The following ROBO2 variants were observed in gnomAD, a reference collection of about 807,000 sequenced individuals.
ROBO2 encodes roundabout guidance receptor 2.
ROBO2 carries 53 observed loss-of-function variants against 160.8 expected under a neutral mutation model. The observed-to-expected ratio is 0.33, with a 90% CI of 0.26 to 0.41. The LOEUF is 0.41. Among genes scored for constraint, ROBO2 ranks in the 10% least tolerant of loss-of-function variants. The pLI is 1.00. For missense variants in ROBO2, 1,577 were observed against 1,722.4 expected (o/e 0.92, Z 1.49); for synonymous variants, 664 against 611.7 (o/e 1.09, Z -1.26).
intron 2 of ROBO2, among the ~76,000 whole-genome samples, chr3:76,319,420 T>A (rs575614383): frequency 1.5e-3 from 233 of 151,928 alleles, no homozygotes; most frequent in Middle Eastern, 0.014. Context: ...CATAAACTTA[T>A]AATTTATAAT....
chr3:76,955,428 G>T (rs1171233812), intron 2 of ROBO2, among the ~76,000 whole-genome samples: 1 of 152,094 alleles, frequency 6.6e-6, no homozygotes, highest in Non-Finnish European at 1.5e-5. Context: ...TTTCTGAGGG[G>T]AACCACTAAA....
intron 1 of ROBO2, among the ~76,000 whole-genome samples, chr3:77,048,098 T>G (rs990450322): frequency 6.6e-6 from 1 of 152,216 alleles, no homozygotes; most frequent in Non-Finnish European, 1.5e-5. Flanking sequence ...TAAATGCCAC[T>G]CAAGCATAAC....
At chr3:77,486,478 T>C (rs1223722988) in intron 4 of ROBO2, among the ~76,000 whole-genome samples, 1 of 152,224 alleles carries the variant, frequency 6.6e-6, no homozygotes, top group Admixed American at 6.5e-5. Flanking sequence ...TGAGATGGTA[T>C]CTCACTGTGG....
At chr3:76,121,783 C>T (rs1303473607) in intron 2 of ROBO2, among the ~76,000 whole-genome samples, 1 of 152,046 alleles carries the variant, frequency 6.6e-6, no homozygotes, top group Non-Finnish European at 1.5e-5. Flanking sequence ...ACATTCATGC[C>T]ATGAATACCA....
chr3:77,527,025 T>C (rs2091229969), intron 6 of ROBO2, among the ~76,000 whole-genome samples: 1 of 151,468 alleles, frequency 6.6e-6, no homozygotes, highest in Non-Finnish European at 1.5e-5. Context: ...AGGCCTTCTT[T>C]TATTGACATG....
At chr3:76,173,733 T>G (rs973049902) in intron 2 of ROBO2, among the ~76,000 whole-genome samples, 2 of 152,202 alleles carry the variant, frequency 1.3e-5, no homozygotes, top group Non-Finnish European at 2.9e-5. Flanking sequence ...ATGGTATATA[T>G]GTACCACATT....
chr3:76,283,184 C>A (rs1412284516), intron 2 of ROBO2, among the ~76,000 whole-genome samples: 29 of 59,300 alleles, frequency 4.9e-4, no homozygotes, highest in African/African-American at 1.3e-3. Flanking sequence ...CCCTGCCATG[C>A]AGCATTGCAC....
intron 2 of ROBO2, among the ~76,000 whole-genome samples, chr3:76,371,581 AACTT>A (rs1286092058): frequency 1.3e-5 from 2 of 151,942 alleles, no homozygotes; most frequent in Admixed American, 6.6e-5. Context: ...CAAAACAAGA[AACTT>A]AAAGATTAGC....
At chr3:76,905,425 A>T (rs1217538585) in intron 2 of ROBO2, among the ~76,000 whole-genome samples, 3 of 152,188 alleles carry the variant, frequency 2.0e-5, no homozygotes, top group Non-Finnish European at 2.9e-5. Flanking sequence ...TTGAAAAAAT[A>T]TATATTTTTA....
At chr3:76,141,060 C>CACATATAT in intron 2 of ROBO2, among the ~76,000 whole-genome samples, 1 of 53,588 alleles carries the variant, frequency 1.9e-5, no homozygotes, top group African/African-American at 7.0e-5. Context: ...TTTTTACATA[C>CACATATAT]ATATATATAT....
chr3:75,922,958 CA>C (rs1292452238), intron 1 of ROBO2, among the ~76,000 whole-genome samples: 1 of 152,166 alleles, frequency 6.6e-6, no homozygotes, highest in African/African-American at 2.4e-5. Context: ...TTTGCATTCT[CA>C]AAACTATACT....
At chr3:76,986,476 G>T (rs867952933) in intron 2 of ROBO2, among the ~76,000 whole-genome samples, 1 of 151,968 alleles carries the variant, frequency 6.6e-6, no homozygotes, top group African/African-American at 2.4e-5. Context: ...ATTACTCATT[G>T]CCAGAATGCC....
chr3:76,151,455 C>T (rs931984691), intron 2 of ROBO2, among the ~76,000 whole-genome samples: 2 of 152,144 alleles, frequency 1.3e-5, no homozygotes, highest in South Asian at 2.1e-4. Context: ...TTTAAGAATG[C>T]TCTTTTTATA....
chr3:76,085,144 C>T (rs1050383225), intron 2 of ROBO2, among the ~76,000 whole-genome samples: 4 of 150,404 alleles, frequency 2.7e-5, no homozygotes, highest in African/African-American at 4.9e-5. Context: ...CACACACATA[C>T]GTATATACAT....
intron 2 of ROBO2, among the ~76,000 whole-genome samples, chr3:76,490,116 C>T (rs2079733784): frequency 6.6e-6 from 1 of 152,092 alleles, no homozygotes; most frequent in Admixed American, 6.6e-5. Flanking sequence ...GGCTTTTGTT[C>T]CTTAAAATGT....
intron 2 of ROBO2, among the ~76,000 whole-genome samples, chr3:76,953,877 T>G (rs1336214560): frequency 3.3e-5 from 5 of 152,170 alleles, no homozygotes; most frequent in African/African-American, 1.2e-4. Flanking sequence ...CATTTTACAT[T>G]TAAAGGCCGG....
chr3:77,258,609 G>A (rs1477967462), intron 2 of ROBO2, among the ~76,000 whole-genome samples: 1 of 133,518 alleles, frequency 7.5e-6, no homozygotes, highest in Non-Finnish European at 1.6e-5. Flanking sequence ...GGTGACAGAC[G>A]GAGACTTTGT....
At chr3:76,389,158 C>A (rs2108626312) in intron 2 of ROBO2, among the ~76,000 whole-genome samples, 1 of 152,254 alleles carries the variant, frequency 6.6e-6, no homozygotes, top group South Asian at 2.1e-4. Context: ...GTATGCAGGT[C>A]AGTGCATAAT....
chr3:76,910,937 G>A (rs1277425817), intron 2 of ROBO2, among the ~76,000 whole-genome samples: 1 of 151,842 alleles, frequency 6.6e-6, no homozygotes, highest in Non-Finnish European at 1.5e-5. Flanking sequence ...AATACATTAA[G>A]TACTCTACTT....
Sources: gnomAD v4.1 joint callset for allele counts (sites outside exome capture counted in the v4.1 genomes callset) on GRCh38, gnomAD v4.1.1 for gene constraint, MANE v1.5 for transcripts, NCBI Gene and HGNC (gene_info 2026-07-23, HGNC 2026-07-21) for gene names.